The following SAMHD1 variants were observed in gnomAD, a reference collection of about 807,000 sequenced individuals.
The protein encoded by SAMHD1 is deoxynucleoside triphosphate triphosphohydrolase SAMHD1.
SAMHD1 carries 54 observed loss-of-function variants against 79.6 expected under a neutral mutation model. The observed-to-expected ratio is 0.68, with a 90% confidence interval of 0.55 to 0.85. SAMHD1 has a LOEUF of 0.85. SAMHD1 is among the 40% of genes least tolerant of loss of function. The pLI is 0.00. For synonymous variants in SAMHD1, 260 were observed against 264.1 expected, an observed-to-expected ratio of 0.98 and a Z score of 0.15; for missense variants, 663 against 782.7, an observed-to-expected ratio of 0.85 and a Z score of 1.82.
intron 5 of SAMHD1, 118 bp downstream of exon 5, chr20:36,930,642 A>G: frequency 1.3e-6 from 1 of 781,724 alleles, no homozygotes; most frequent in Non-Finnish European, 2.3e-6. Context: ...ACTAACATCA[A>G]CTGAAGAATT....
rs926403139 is a variant in SAMHD1, at chr20:36,934,298, G to A, written c.509+731C>T. 4.6e-5 allele frequency among the ~76,000 whole-genome samples: 7 copies of A among 151,666 alleles called. 1 individual carries two copies. The South Asian group carries it at 1.3e-3, about 27-fold the overall frequency. ...CCCAGTACTTTGGGAGGCCGAGGCA[G>A]GTGGCTCACAAGGTCAGGAGATCAA... On this transcript the variant is annotated intron_variant, in intron 4 of 15. Coordinates refer to ENST00000646673, the MANE Select transcript of SAMHD1 (RefSeq NM_015474.4).
rs1039399705 is a variant in SAMHD1, at chr20:36,905,514, A to C, written c.1271-11T>G. On this transcript the variant is annotated splice_polypyrimidine_tract_variant and intron_variant, in intron 11 of 15. Coordinates refer to ENST00000646673, the MANE Select transcript of SAMHD1 (RefSeq NM_015474.4). ...CCAGAAAAATGTTATCTGCCAATTT[A>C]ATGACATTTCAGTTATATTAAAATA... 1.3e-6 allele frequency: 2 copies of C among 1,587,886 alleles called. No homozygotes were observed. Among genetic ancestry groups the C allele is most frequent in the African/African-American group, 2.7e-5 (2 of 74,356 alleles).
At chr20:36,910,874 G>T (rs2063434989) in intron 11 of SAMHD1, among the ~76,000 whole-genome samples, 1 of 152,036 alleles carries the variant, frequency 6.6e-6, no homozygotes, top group Non-Finnish European at 1.5e-5. Context: ...ATTCAGATAG[G>T]TCAAATCCCT....
At chr20:36,924,425 G>GA (rs371347704) in intron 6 of SAMHD1, among the ~76,000 whole-genome samples, 13 of 149,342 alleles carry the variant, frequency 8.7e-5, no homozygotes, top group Admixed American at 4.0e-4. Flanking sequence ...GGAGAGAAAA[G>GA]AAAAAAAAAG....
chr20:36,921,935 C>T (rs1229888891), intron 6 of SAMHD1, among the ~76,000 whole-genome samples: 1 of 152,158 alleles, frequency 6.6e-6, no homozygotes, highest in Non-Finnish European at 1.5e-5. Flanking sequence ...GTAATCCACC[C>T]ACCTTGGCCT....
chr20:36,929,665 T>C (rs578117517), intron 5 of SAMHD1, among the ~76,000 whole-genome samples: 1 of 152,148 alleles, frequency 6.6e-6, no homozygotes, highest in African/African-American at 2.4e-5. Flanking sequence ...TGAGCCAAGA[T>C]AGTGCCAACT....
chr20:36,946,852 ATT>A (rs2063689752), intron 1 of SAMHD1, 48 bp from the exon 2 acceptor site: 1 of 1,446,324 alleles, frequency 6.9e-7, no homozygotes, highest in African/African-American at 1.4e-5. Context: ...TATGCTTTTC[ATT>A]TTCTTTCAAT....
intron 4 of SAMHD1, 41 bp downstream of exon 4, chr20:36,934,988 T>C (rs373431930): frequency 4.4e-6 from 7 of 1,596,388 alleles, no homozygotes; most frequent in Non-Finnish European, 6.0e-6. Flanking sequence ...ACAGAGAAAA[T>C]ACTTAAAAAC....
chr20:36,927,462 C>T (rs1383423423), intron 5 of SAMHD1, among the ~76,000 whole-genome samples: 2 of 151,838 alleles, frequency 1.3e-5, no homozygotes, highest in Non-Finnish European at 2.9e-5. Context: ...GGATTACAGG[C>T]GTGTGCAACC....
intron 11 of SAMHD1, among the ~76,000 whole-genome samples, chr20:36,909,620 G>A (rs1045811988): frequency 2.8e-5 from 4 of 144,700 alleles, no homozygotes; most frequent in Admixed American, 7.1e-5. Context: ...GCAGTGAGCC[G>A]AGATCGTGCC....
intron 3 of SAMHD1, among the ~76,000 whole-genome samples, chr20:36,938,314 G>A (rs186199455): frequency 1.1e-4 from 16 of 152,324 alleles, no homozygotes; most frequent in Middle Eastern, 3.4e-3. Flanking sequence ...GGCCGAGGCA[G>A]GCAGATCACG....
At chr20:36,931,005 A>G in intron 4 of SAMHD1, 130 bp from the exon 5 acceptor site, 2 of 705,080 alleles carry the variant, frequency 2.8e-6, no homozygotes, top group Non-Finnish European at 5.2e-6. Flanking sequence ...TGAACAGTAT[A>G]TTTCAGAACT....
chr20:36,892,904 G>T lies in SAMHD1; in HGVS notation c.*28C>A, dbSNP rs756982727. 4.3e-6 allele frequency: 7 copies of T among 1,613,434 alleles called. No homozygotes were observed. The South Asian group carries it at 7.7e-5, about 18-fold the overall frequency. ...CTCTAAATGAATTGTGCAGGAGAGG[G>T]AGTTTGTAAACAACTGACTACAGAC... On this transcript the variant is annotated 3_prime_UTR_variant, in exon 16 of 16. Transcript: ENST00000646673.
chr20:36,932,352 CAAAAAA>C (rs71186091), intron 4 of SAMHD1, among the ~76,000 whole-genome samples: 1 of 34,180 alleles, frequency 2.9e-5, no homozygotes, highest in African/African-American at 1.5e-4. Context: ...ACTCCGTCTC[CAAAAAA>C]AAAAAAAAAA....
intron 9 of SAMHD1, among the ~76,000 whole-genome samples, chr20:36,915,557 T>C (rs1019317954): frequency 2.6e-5 from 4 of 151,850 alleles, no homozygotes; most frequent in African/African-American, 9.7e-5. Context: ...GCCAACATGG[T>C]GAAACCCTGT....
At chr20:36,940,927 C>T (rs1273107302) in intron 3 of SAMHD1, 112 bp downstream of exon 3, 13 of 794,320 alleles carry the variant, frequency 1.6e-5, no homozygotes, top group Non-Finnish European at 2.4e-5. Flanking sequence ...CCACTACTCA[C>T]AATTCTATCA....
chr20:36,911,376 G>C (rs1421705019), intron 10 of SAMHD1, 43 bp from the exon 11 acceptor site: 1 of 1,218,740 alleles, frequency 8.2e-7, no homozygotes, highest in Non-Finnish European at 1.2e-6. Flanking sequence ...GAGAAATTTT[G>C]AATATTTGCC....
intron 3 of SAMHD1, among the ~76,000 whole-genome samples, chr20:36,936,290 T>A (rs1176588297): frequency 6.6e-6 from 1 of 151,868 alleles, no homozygotes; most frequent in East Asian, 1.9e-4. Flanking sequence ...CTGAACAATG[T>A]GTTTATGTGT....
intron 15 of SAMHD1, 26 bp from the exon 16 acceptor site, chr20:36,893,092 G>A (rs1238970744): frequency 6.2e-7 from 1 of 1,610,362 alleles, no homozygotes; most frequent in Non-Finnish European, 8.5e-7. Context: ...AGAAAAACAG[G>A]CAATAGAGAA....
Sources: allele counts gnomAD v4.1 joint callset (sites outside exome capture counted in the v4.1 genomes callset), GRCh38; gene constraint gnomAD v4.1.1; transcripts MANE v1.5; gene names NCBI Gene and HGNC (gene_info 2026-07-23, HGNC 2026-07-21).